MAP4K5: variants seen among roughly 807,000 people sequenced by gnomAD.
The protein encoded by MAP4K5 is mitogen-activated protein kinase kinase kinase kinase 5.
In MAP4K5, 82 loss-of-function variants were observed where a neutral mutation model predicts 135.6. That is an observed-to-expected ratio of 0.60 (90% CI 0.51 to 0.73). The LOEUF is 0.73. Among genes scored for constraint, MAP4K5 ranks in the 30% least tolerant of loss-of-function variants. The pLI is 0.00. For synonymous variants in MAP4K5, 347 were observed against 335.0 expected (o/e 1.04, Z -0.39); for missense variants, 907 against 1,010.9 (o/e 0.90, Z 1.39).
intron 13 of MAP4K5, among the ~76,000 whole-genome samples, chr14:50,460,008 T>G (rs2036676012): frequency 6.6e-6 from 1 of 152,092 alleles, no homozygotes; most frequent in Non-Finnish European, 1.5e-5. Context: ...CAGACTGACT[T>G]TTCTTTAGTT....
chr14:50,448,974 C>G (rs368265733), intron 14 of MAP4K5, 142 bp from the exon 15 acceptor site: 1 of 623,994 alleles, frequency 1.6e-6, no homozygotes, highest in Non-Finnish European at 2.8e-6. Context: ...TTTTTGACTA[C>G]AAGAGTACCC....
chr14:50,451,495 A>G (rs1319594594), intron 14 of MAP4K5, among the ~76,000 whole-genome samples: 3 of 152,176 alleles, frequency 2.0e-5, no homozygotes, highest in African/African-American at 7.2e-5. Flanking sequence ...AATACAAAGA[A>G]AAAATGCAGA....
At chr14:50,542,474 GAAAAT>G (rs897426034) in intron 2 of MAP4K5, 4 of 152,068 alleles carry the variant, frequency 2.6e-5, no homozygotes, top group African/African-American at 9.7e-5. Context: ...AAAAATAAAA[GAAAAT>G]AAAAGAAATT....
At chr14:50,457,431 C>T (rs2036616166) in intron 13 of MAP4K5, among the ~76,000 whole-genome samples, 1 of 152,122 alleles carries the variant, frequency 6.6e-6, no homozygotes. Context: ...CCACGCAGAA[C>T]CTCCTGCCCC....
chr14:50,525,465 T>C (rs1269895856), intron 2 of MAP4K5, among the ~76,000 whole-genome samples: 1 of 152,182 alleles, frequency 6.6e-6, no homozygotes, highest in East Asian at 1.9e-4. Flanking sequence ...TCCGGATTAT[T>C]CGGGAACTGG....
At chr14:50,437,673 T>A in intron 25 of MAP4K5, 139 bp from the exon 26 acceptor site, 1 of 668,406 alleles carries the variant, frequency 1.5e-6, no homozygotes, top group Non-Finnish European at 2.6e-6. Flanking sequence ...TCTCATCTTA[T>A]AGGACTGAGG....
chr14:50,458,831 C>G (rs1054280871), intron 13 of MAP4K5, among the ~76,000 whole-genome samples: 5 of 152,030 alleles, frequency 3.3e-5, no homozygotes, highest in African/African-American at 1.2e-4. Flanking sequence ...TTTTTTGAGA[C>G]AGGGTCTTGC....
At chr14:50,464,173 ATT>A in intron 11 of MAP4K5, 40 bp from the exon 12 acceptor site, 1 of 986,056 alleles carries the variant, frequency 1.0e-6, no homozygotes, top group Non-Finnish European at 1.6e-6. Context: ...TTTCACTACT[ATT>A]ACGTTTCGGT....
chr14:50,480,101 T>C (rs957042679), intron 6 of MAP4K5, among the ~76,000 whole-genome samples: 11 of 152,192 alleles, frequency 7.2e-5, no homozygotes, highest in African/African-American at 1.7e-4. Flanking sequence ...ATCTGCATAA[T>C]AGAATTTTAA....
In MAP4K5 at chr14:50,490,975, TA is replaced by T. The variant is rs144405831; in HGVS notation, c.167-4782del. ...TTGACATAAAGCAGTTAAGCCTTCA[TA>T]CTCTGGGGATGAACTGGAGTAAGTC... is the stretch of plus-strand genomic sequence containing the variant. On this transcript the variant is annotated intron_variant, in intron 3 of 32. Transcript: ENST00000682126. 1.7e-3 allele frequency among the ~76,000 whole-genome samples: 265 copies of T among 152,326 alleles called. 4 individuals are homozygous for T. In the East Asian group the frequency reaches 0.034, roughly 20 times the overall value.
rs1395786351 is a variant in MAP4K5, at chr14:50,542,369, G to C, written c.-94+130C>G. 5 of 152,008 alleles carry C rather than the reference G, an allele frequency of 3.3e-5. No homozygotes were observed. In the East Asian group the frequency reaches 9.6e-4, roughly 29 times the overall value. 9.4% of individuals were successfully genotyped at this position (152,008 alleles called of 1,614,324 possible). A position where few individuals can be genotyped will look rare whatever the true frequency, so the allele number is the denominator to read the frequency against. ...ACGGGACTTAAAACCTAAATGACAG[G>C]TTGATAGGTGCAGCAAACTACCATG... On this transcript the variant is annotated intron_variant, in intron 2 of 8. Transcript: ENST00000555216.
intron 23 of MAP4K5, among the ~76,000 whole-genome samples, chr14:50,438,942 G>A (rs1026731529): frequency 2.0e-5 from 3 of 152,064 alleles, no homozygotes; most frequent in Non-Finnish European, 4.4e-5. Context: ...TAAGCAGTAA[G>A]AGAGTTAGAG....
intron 2 of MAP4K5, among the ~76,000 whole-genome samples, chr14:50,526,893 A>G (rs1454079832): frequency 2.0e-5 from 3 of 152,220 alleles, no homozygotes; most frequent in African/African-American, 7.2e-5. Flanking sequence ...CATCCAGAGG[A>G]ACCCACGTTA....
At chr14:50,514,576 C>T (rs2037994586) in intron 2 of MAP4K5, among the ~76,000 whole-genome samples, 1 of 152,070 alleles carries the variant, frequency 6.6e-6, no homozygotes, top group African/African-American at 2.4e-5. Flanking sequence ...TCATAGATGA[C>T]ACAAGTCAAC....
intron 13 of MAP4K5, among the ~76,000 whole-genome samples, chr14:50,459,670 C>T (rs1302780681): frequency 6.6e-6 from 1 of 151,736 alleles, no homozygotes; most frequent in Non-Finnish European, 1.5e-5. Flanking sequence ...TGTTTTCTGC[C>T]CTAGTCAGAC....
chr14:50,454,205 C>T (rs2036551501), intron 14 of MAP4K5, among the ~76,000 whole-genome samples: 1 of 152,106 alleles, frequency 6.6e-6, no homozygotes, highest in South Asian at 2.1e-4. Context: ...AGGTCAAGAT[C>T]AGGTAAAAGC....
chr14:50,447,358 A>G, intron 16 of MAP4K5, 56 bp downstream of exon 16: 2 of 1,060,572 alleles, frequency 1.9e-6, no homozygotes, highest in African/African-American at 1.6e-5. Flanking sequence ...CACATGCCCC[A>G]TACTGTTCTT....
intron 1 of MAP4K5, among the ~76,000 whole-genome samples, chr14:50,547,326 GA>G (rs201867805): frequency 6.0e-5 from 9 of 150,620 alleles, no homozygotes; most frequent in Admixed American, 1.3e-4. Flanking sequence ...ATTTCCAGTT[GA>G]AAAAAAAATG....
intron 3 of MAP4K5, among the ~76,000 whole-genome samples, chr14:50,490,175 T>G (rs1233079666): frequency 8.7e-6 from 1 of 114,366 alleles, no homozygotes; most frequent in Non-Finnish European, 1.8e-5. Flanking sequence ...GAACTCAGCC[T>G]GATACTCTTA....
Sources: gnomAD v4.1 joint callset for allele counts (sites outside exome capture counted in the v4.1 genomes callset) on GRCh38, gnomAD v4.1.1 for gene constraint, MANE v1.5 for transcripts, NCBI Gene and HGNC (gene_info 2026-07-23, HGNC 2026-07-21) for gene names.